The following CACNA2D3 variants were observed in gnomAD, a reference collection of about 807,000 sequenced individuals.
The protein encoded by CACNA2D3 is calcium voltage-gated channel auxiliary subunit alpha2delta 3, also known as voltage-dependent calcium channel subunit alpha-2/delta-3.
Under a neutral mutation model 160.6 loss-of-function variants are expected in CACNA2D3, and 60 were observed. That is an observed-to-expected ratio of 0.37 (90% confidence interval 0.30 to 0.46). CACNA2D3 has a LOEUF of 0.46. Ranked by LOEUF, CACNA2D3 falls within the 20% of genes least tolerant of loss-of-function variation. The pLI is 1.00. For missense variants in CACNA2D3, 1,205 were observed against 1,365.0 expected (o/e 0.88, Z 1.85); for synonymous variants, 558 against 492.9 (o/e 1.13, Z -1.75).
intron 4 of CACNA2D3, among the ~76,000 whole-genome samples, chr3:54,447,025 A>G (rs1336718808): frequency 1.3e-5 from 2 of 152,198 alleles, no homozygotes; most frequent in African/African-American, 4.8e-5. Flanking sequence ...TTAACTACAT[A>G]ATAGGCACTT....
intron 9 of CACNA2D3, among the ~76,000 whole-genome samples, chr3:54,618,374 T>TATATATATACACACACACACAC: frequency 3.7e-5 from 2 of 54,586 alleles, no homozygotes; most frequent in Admixed American, 4.5e-4. Flanking sequence ...TATATATATA[T>TATATATATACACACACACACAC]GCACACACAC....
intron 25 of CACNA2D3, 80 bp downstream of exon 25, chr3:54,891,530 G>T: frequency 9.1e-7 from 1 of 1,098,152 alleles, no homozygotes; most frequent in South Asian, 1.3e-5. Context: ...TTCATTTCTT[G>T]ATTCCACTAC....
chr3:54,350,830 T>C (rs530959297), intron 3 of CACNA2D3, among the ~76,000 whole-genome samples: 3 of 152,190 alleles, frequency 2.0e-5, no homozygotes, highest in South Asian at 2.1e-4. Context: ...TTATAACTTA[T>C]CACTTCTTTT....
chr3:54,437,525 A>T (rs1431855681), intron 4 of CACNA2D3, among the ~76,000 whole-genome samples: 1 of 152,236 alleles, frequency 6.6e-6, no homozygotes, highest in Non-Finnish European at 1.5e-5. Flanking sequence ...TTTTCTGGAA[A>T]TGTGAGCTCT....
intron 4 of CACNA2D3, among the ~76,000 whole-genome samples, chr3:54,498,492 T>C (rs1358904361): frequency 2.0e-5 from 3 of 152,014 alleles, no homozygotes; most frequent in Non-Finnish European, 4.4e-5. Context: ...TCAGTCTAAC[T>C]AGAATTTCAT....
chr3:54,277,998 T>C (rs1297374901), intron 2 of CACNA2D3, among the ~76,000 whole-genome samples: 1 of 152,160 alleles, frequency 6.6e-6, no homozygotes, highest in Non-Finnish European at 1.5e-5. Context: ...AAATGGGATC[T>C]AATTAAACTA....
chr3:54,952,409 A>G (rs916141906), intron 27 of CACNA2D3, among the ~76,000 whole-genome samples: 1 of 152,162 alleles, frequency 6.6e-6, no homozygotes, highest in Non-Finnish European at 1.5e-5. Flanking sequence ...GGAAGATGTC[A>G]TGAGCATCTT....
At chr3:54,736,024 C>CATATATGTAT (rs1701498867) in intron 11 of CACNA2D3, among the ~76,000 whole-genome samples, 1 of 65,278 alleles carries the variant, frequency 1.5e-5, no homozygotes, top group East Asian at 2.6e-4. Context: ...TATACACATA[C>CATATATGTAT]ATATATATAT....
chr3:54,661,837 G>GGTGTGTGTGT lies in CACNA2D3; in HGVS notation c.1167+19596_1167+19597insGTGTGTGTGT, dbSNP rs1559542452. 8.9e-4 allele frequency among the ~76,000 whole-genome samples: 31 copies of GGTGTGTGTGT among 34,826 alleles called. 1 individual carries two copies. Among genetic ancestry groups the GGTGTGTGTGT allele is most frequent in the East Asian group, 4.6e-3 (13 of 2,850 alleles). 22.8% of individuals were successfully genotyped at this position (34,826 alleles called of 152,430 possible). On this transcript the variant is annotated intron_variant, in intron 11 of 37. Transcript: ENST00000474759. ...CTATGGTTCACACAGACATCTCAGG[G>GGTGTGTGTGT]ATGTGTGTATGTGTGTGTGTGTGTG...
At chr3:54,684,743 C>T (rs1460822911) in intron 11 of CACNA2D3, among the ~76,000 whole-genome samples, 1 of 94,352 alleles carries the variant, frequency 1.1e-5, no homozygotes, top group Non-Finnish European at 2.5e-5. Flanking sequence ...CATTATTAAA[C>T]GTTTGTCATG....
At chr3:54,309,283 A>G (rs1464809069) in intron 2 of CACNA2D3, among the ~76,000 whole-genome samples, 1 of 152,234 alleles carries the variant, frequency 6.6e-6, no homozygotes. Flanking sequence ...TAGCTGGTAT[A>G]GTAGCTTGCT....
intron 3 of CACNA2D3, 126 bp from the exon 4 acceptor site, chr3:54,386,589 C>A: frequency 1.3e-6 from 1 of 761,670 alleles, no homozygotes; most frequent in Non-Finnish European, 2.1e-6. Flanking sequence ...TTCATGGGAG[C>A]AAAGGCATCA....
chr3:54,503,626 C>T lies in CACNA2D3; in HGVS notation c.516C>T (p.Val172=). 6.2e-7 allele frequency: 1 copy of T among 1,613,828 alleles called. No homozygotes were observed. The change falls in exon 5 of 38, where the codon GTC becomes GTT. Residue 172 remains valine, a synonymous_variant. Transcript: ENST00000474759. The stretch of plus-strand genomic sequence containing the variant: ...CTGTGAACATCAGTCTAAGTGACGT[C>T]CAAGTACCAACGAACATGTACAACA... ...NLPVNISLSD[V]QVPTNMYNKD...
intron 11 of CACNA2D3, among the ~76,000 whole-genome samples, chr3:54,747,696 A>G (rs1701779653): frequency 6.6e-6 from 1 of 152,044 alleles, no homozygotes; most frequent in African/African-American, 2.4e-5. Flanking sequence ...AGCCCCTTCA[A>G]TATCCCTGGA....
intron 4 of CACNA2D3, among the ~76,000 whole-genome samples, chr3:54,461,979 T>C (rs550679745): frequency 1.2e-3 from 177 of 152,346 alleles, no homozygotes; most frequent in African/African-American, 4.1e-3. Context: ...ATGTTGTGTC[T>C]TTGTTCTGGT....
chr3:54,885,518 A>T lies in CACNA2D3; in HGVS notation c.1988A>T (p.Glu663Val). 6.2e-7 allele frequency: 1 copy of T among 1,613,820 alleles called. No individual in the cohort carries two copies. Among genetic ancestry groups the T allele is most frequent in the South Asian group, 1.1e-5 (1 of 91,018 alleles). The change falls in exon 23 of 38, where the codon GAG becomes GTG. Residue 663 changes from glutamate to valine, a missense_variant. This residue lies in a region of CACNA2D3 where 911 missense variants were observed against 1,002.2 expected (regional missense o/e 0.91). Transcript: ENST00000474759. ...TACTGCAACACTGACCTACACCCTG[A>T]GCACCGCCATCTGTCTCAGTTAGAA... The part of the protein sequence containing the change: ...WSYCNTDLHP[E>V]HRHLSQLEAI...
At chr3:55,037,437 C>T (rs1313583764) in intron 35 of CACNA2D3, among the ~76,000 whole-genome samples, 1 of 152,122 alleles carries the variant, frequency 6.6e-6, no homozygotes, top group African/African-American at 2.4e-5. Context: ...CAACCAACTC[C>T]CTCAGACATC....
At chr3:54,351,959 C>G (rs1350394671) in intron 3 of CACNA2D3, among the ~76,000 whole-genome samples, 1 of 152,212 alleles carries the variant, frequency 6.6e-6, no homozygotes, top group Non-Finnish European at 1.5e-5. Context: ...TCCTTTGCAG[C>G]ACTTCTCTCA....
chr3:54,170,052 G>C (rs1700534800), intron 2 of CACNA2D3, among the ~76,000 whole-genome samples: 1 of 152,038 alleles, frequency 6.6e-6, no homozygotes, highest in Non-Finnish European at 1.5e-5. Flanking sequence ...GCCAGGCGTG[G>C]TGGTGGGCAT....
Sources: gnomAD v4.1 joint callset for allele counts (sites outside exome capture counted in the v4.1 genomes callset) on GRCh38, gnomAD v4.1.1 for gene constraint, gnomAD v4.1.1 regional missense constraint, MANE v1.5 for transcripts, NCBI Gene and HGNC (gene_info 2026-07-23, HGNC 2026-07-21) for gene names.